DZANK1: variants seen among roughly 807,000 people sequenced by gnomAD.
The protein encoded by DZANK1 is double zinc ribbon and ankyrin repeat domains 1, also known as double zinc ribbon and ankyrin repeat-containing protein 1.
A neutral mutation model predicts 94.5 loss-of-function variants in DZANK1; 91 were observed. That is an observed-to-expected ratio of 0.96 (90% confidence interval 0.81 to 1.15). DZANK1 has a LOEUF of 1.15. Ranked by LOEUF, DZANK1 falls within the 50% of genes most tolerant of loss-of-function variation. The probability of loss-of-function intolerance (pLI) is 0.00; values close to 1 mark genes in which losing one functional copy is unlikely to be tolerated. For missense variants in DZANK1, 903 were observed against 916.4 expected (o/e 0.99, Z 0.19); for synonymous variants, 312 against 325.3 (o/e 0.96, Z 0.44).
intron 2 of DZANK1, among the ~76,000 whole-genome samples, chr20:18,463,412 C>T (rs6035048): frequency 0.35 from 52,619 of 151,866 alleles, 9,993 homozygotes; most frequent in Middle Eastern, 0.47. Flanking sequence ...GGGTTATGGC[C>T]TCAATCATAC....
intron 3 of DZANK1, among the ~76,000 whole-genome samples, chr20:18,459,152 G>A (rs1258135943): frequency 6.6e-6 from 1 of 152,222 alleles, no homozygotes; most frequent in South Asian, 2.1e-4. Context: ...GGCCACCAGA[G>A]TATTGAGGTT....
chr20:18,410,349 T>C (rs910848858), intron 13 of DZANK1, among the ~76,000 whole-genome samples: 6 of 152,138 alleles, frequency 3.9e-5, no homozygotes, highest in Non-Finnish European at 8.8e-5. Flanking sequence ...TAATTTAGTA[T>C]AAACTTGAAG....
intron 10 of DZANK1, among the ~76,000 whole-genome samples, chr20:18,418,014 A>C (rs2057579382): frequency 1.3e-5 from 2 of 152,080 alleles, no homozygotes; most frequent in Non-Finnish European, 2.9e-5. Flanking sequence ...TGAACCCAGG[A>C]GGCAGAGGTT....
chr20:18,384,695 G>C, intron 20 of DZANK1, 131 bp from the exon 21 acceptor site: 1 of 982,796 alleles, frequency 1.0e-6, no homozygotes, highest in Non-Finnish European at 1.5e-6. Flanking sequence ...CTCTCCCCAA[G>C]AGGTCACAGT....
rs764609579 is a variant in DZANK1, at chr20:18,452,613, A to G, written c.543+2T>C. ...ACCCTAAAGATTGTCCTTAGAAGTT[A>G]CCTGGGACTGGCGGGTGGGTGGTCT... On this transcript the variant is annotated splice_donor_variant, in intron 6 of 20. Coordinates refer to ENST00000262547, the Ensembl canonical transcript of DZANK1. LOFTEE classifies it high-confidence loss of function. The G allele has an allele frequency of 3.1e-6, 5 of 1,603,116 alleles. No homozygotes were observed. In the African/African-American group the frequency reaches 4.0e-5, roughly 13 times the overall value.
intron 17 of DZANK1, 76 bp from the exon 18 acceptor site, chr20:18,390,535 T>C (rs1381549391): frequency 7.0e-7 from 1 of 1,418,452 alleles, no homozygotes; most frequent in Non-Finnish European, 1.0e-6. Flanking sequence ...TTTCCAACAT[T>C]GAATTCTAAG....
rs137930800 is a variant in DZANK1 at position 18,435,395 on chromosome 20, C to T, written c.748-1630G>A. Among the ~76,000 whole-genome samples the T allele has an allele frequency of 2.4e-3, 362 of 152,298 alleles. 5 individuals are homozygous for T. The highest frequency in any genetic ancestry group is 0.02 in the Admixed American group (304 of 15,298). On this transcript the variant is annotated intron_variant, in intron 8 of 20. Transcript: ENST00000262547. ...ATAAAGAAAATGTGGCACATATGCA[C>T]CATGGAATACTGTGCAGCCACAAAA...
chr20:18,451,970 A>G (rs745461256), intron 6 of DZANK1: 4 of 516,714 alleles, frequency 7.7e-6, no homozygotes, highest in Admixed American at 2.0e-5. Context: ...TGCCTGCCAA[A>G]CAGATACCAT....
chr20:18,460,300 G>A lies in DZANK1; in HGVS notation c.116C>T (p.Pro39Leu). ...CAGAGTATAATATATGTTGACATCT[G>A]GAGTGTCTGAAAAATCCAAAACAGG... The change falls in exon 3 of 21, where the codon CCA (proline) becomes CTA (leucine). Residue 39 changes from proline (P) to leucine (L), a missense_variant. Pro to Leu is a moderately conservative substitution (Grantham distance 98). Coordinates refer to ENST00000262547, the Ensembl canonical transcript of DZANK1. 1.3e-6 allele frequency: 2 copies of A among 1,525,786 alleles called. No homozygotes were observed. Among genetic ancestry groups the A allele is most frequent in the Non-Finnish European group, 1.8e-6 (2 of 1,125,558 alleles). The allele number at this position is 1,525,786 out of a possible 1,614,324, so 94.5% of individuals were successfully genotyped here.
Position 18,433,869 on chromosome 20 carries a change from C to T in DZANK1, c.748-104G>A, listed in dbSNP as rs2058391623. The T allele has an allele frequency of 1.1e-5, 11 of 960,682 alleles. No homozygotes were observed. In the South Asian group the frequency reaches 1.7e-4, roughly 15 times the overall value. The allele number at this position is 960,682 out of a possible 1,614,324, so 59.5% of individuals were successfully genotyped here. ...CTACAGCCGTACCACCCTGAACATT[C>T]CCGATCTCATCTGATCTCAAAACCT... On this transcript the variant is annotated intron_variant, in intron 8 of 20. Coordinates refer to ENST00000262547, the Ensembl canonical transcript of DZANK1.
At chr20:18,423,555 T>G (rs1327179375) in intron 10 of DZANK1, among the ~76,000 whole-genome samples, 2 of 152,228 alleles carry the variant, frequency 1.3e-5, no homozygotes, top group Admixed American at 1.3e-4. Context: ...TGATATGTTT[T>G]CCAAGTTAGA....
intron 13 of DZANK1, among the ~76,000 whole-genome samples, chr20:18,400,032 T>C (rs561071421): frequency 6.6e-6 from 1 of 152,330 alleles, no homozygotes; most frequent in South Asian, 2.1e-4. Flanking sequence ...TTTATTAGCT[T>C]AGTGATGTTG....
intron 13 of DZANK1, among the ~76,000 whole-genome samples, chr20:18,406,607 A>G (rs1335941908): frequency 6.6e-6 from 1 of 152,246 alleles, no homozygotes; most frequent in South Asian, 2.1e-4. Context: ...GGGAAGACCC[A>G]GCACATTCCA....
At chr20:18,398,448 C>G in intron 14 of DZANK1, 75 bp downstream of exon 14, 1 of 1,383,982 alleles carries the variant, frequency 7.2e-7, no homozygotes, top group Non-Finnish European at 1.0e-6. Context: ...GATGCAGTTT[C>G]AGGCAAAGTC....
intron 20 of DZANK1, 95 bp from the exon 21 acceptor site, chr20:18,384,659 C>T (rs553996840): frequency 9.6e-6 from 13 of 1,359,738 alleles, no homozygotes; most frequent in Non-Finnish European, 1.3e-5. Context: ...CCAGGCTGGG[C>T]CCCTCCTGGT....
rs757360335 is a variant in DZANK1 at position 18,443,346 on chromosome 20, C to G, written c.747+1G>C. ...ATGTTTTTAAGAATTCTGCTGCTCA[C>G]CTGAGCTCCTTCTGGGGGTGGGAGA... is the stretch of plus-strand genomic sequence containing the variant. On this transcript the variant is annotated splice_donor_variant, in intron 8 of 20. Coordinates refer to ENST00000262547, the Ensembl canonical transcript of DZANK1. LOFTEE classifies it high-confidence loss of function. 6.5e-7 allele frequency: 1 copy of G among 1,532,614 alleles called. No homozygotes were observed. The highest frequency in any genetic ancestry group is 2.0e-5 in the Admixed American group (1 of 50,908). 94.9% of individuals were successfully genotyped at this position (1,532,614 alleles called of 1,614,324 possible). A position where few individuals can be genotyped will look rare whatever the true frequency, so the allele number is the denominator to read the frequency against.
chr20:18,437,461 C>G (rs1255665130), intron 8 of DZANK1, among the ~76,000 whole-genome samples: 1 of 152,058 alleles, frequency 6.6e-6, no homozygotes, highest in East Asian at 1.9e-4. Flanking sequence ...CACCTGTAAT[C>G]CCAGCAACTC....
Position 18,422,945 on chromosome 20 carries a change from G to C in DZANK1, c.954+4122C>G, listed in dbSNP as rs184811942. On this transcript the variant is annotated intron_variant, in intron 10 of 20. Transcript: ENST00000262547. ...ATTCAATCTGTAGATCTCTCTTTAGGTATTATGGACTTTTTAACAATATTA... is the reference window on the plus strand; with the variant it reads ...ATTCAATCTGTAGATCTCTCTTTAGCTATTATGGACTTTTTAACAATATTA... 1.8e-4 allele frequency among the ~76,000 whole-genome samples: 28 copies of C among 151,602 alleles called. 1 individual carries two copies. The highest frequency in any genetic ancestry group is 1.2e-3 in the Admixed American group (19 of 15,232).
At chr20:18,431,137 A>G (rs919437379) in intron 9 of DZANK1, among the ~76,000 whole-genome samples, 1 of 152,214 alleles carries the variant, frequency 6.6e-6, no homozygotes, top group African/African-American at 2.4e-5. Flanking sequence ...TTTTAAATAA[A>G]TAAGTTGTAA....
Sources: gnomAD v4.1 joint callset for allele counts (sites outside exome capture counted in the v4.1 genomes callset) on GRCh38, gnomAD v4.1.1 for gene constraint, MANE v1.5 for transcripts, NCBI Gene and HGNC (gene_info 2026-07-23, HGNC 2026-07-21) for gene names.